SEC23IP: variants seen among roughly 807,000 people sequenced by gnomAD.
SEC23IP encodes SEC23 interacting protein.
A neutral mutation model predicts 113.4 loss-of-function variants in SEC23IP; 70 were observed. The ratio of observed to expected loss-of-function variants is 0.62; its 90% confidence interval spans 0.51 to 0.75. The LOEUF is 0.75. SEC23IP is among the 30% of genes least tolerant of loss of function. SEC23IP has a pLI of 0.00. For missense variants in SEC23IP, 1,160 were observed against 1,204.9 expected, an observed-to-expected ratio of 0.96 and a Z score of 0.55; for synonymous variants, 398 against 421.0, an observed-to-expected ratio of 0.95 and a Z score of 0.67.
At chr10:119,910,082 C>T (rs1248317705) in intron 5 of SEC23IP, among the ~76,000 whole-genome samples, 2 of 152,148 alleles carry the variant, frequency 1.3e-5, no homozygotes, top group African/African-American at 4.8e-5. Flanking sequence ...AAGCCACCAG[C>T]TCTGCCACCG....
At chr10:119,931,224 G>C (rs1589848806) in intron 15 of SEC23IP, among the ~76,000 whole-genome samples, 1 of 144,592 alleles carries the variant, frequency 6.9e-6, no homozygotes, top group Non-Finnish European at 1.5e-5. Context: ...AGGTGGCAGT[G>C]AGCCAAGATC....
At chr10:119,925,776 G>T (rs981778131) in intron 12 of SEC23IP, among the ~76,000 whole-genome samples, 12 of 152,012 alleles carry the variant, frequency 7.9e-5, no homozygotes, top group African/African-American at 2.9e-4. Context: ...TCCTGGTCTC[G>T]AGCTATCCTT....
intron 5 of SEC23IP, among the ~76,000 whole-genome samples, chr10:119,910,691 T>C (rs1316369918): frequency 6.6e-6 from 1 of 152,144 alleles, no homozygotes; most frequent in African/African-American, 2.4e-5. Context: ...TCTTTTTGTT[T>C]GTTTTTTTAA....
chr10:119,901,685 A>ATTTTTAT (rs941497177), intron 2 of SEC23IP, among the ~76,000 whole-genome samples: 1 of 151,976 alleles, frequency 6.6e-6, no homozygotes, highest in African/African-American at 2.4e-5. Flanking sequence ...ATAACTTTTT[A>ATTTTTAT]TTTTTATTTT....
chr10:119,899,055 A>C, intron 2 of SEC23IP, 96 bp downstream of exon 2: 2 of 1,055,820 alleles, frequency 1.9e-6, no homozygotes, highest in Non-Finnish European at 2.7e-6. Flanking sequence ...CTTATAATCA[A>C]TATGGTGACA....
chr10:119,933,604 G>T, intron 17 of SEC23IP, 82 bp from the exon 18 acceptor site: 1 of 758,390 alleles, frequency 1.3e-6, no homozygotes, highest in East Asian at 2.6e-5. Flanking sequence ...GAATAGAATA[G>T]AACCTGCATT....
chr10:119,937,629 A>C (rs923637286), intron 18 of SEC23IP, among the ~76,000 whole-genome samples: 1 of 152,006 alleles, frequency 6.6e-6, no homozygotes, highest in Non-Finnish European at 1.5e-5. Flanking sequence ...CCGTCTAAAA[A>C]AAAAAAACAA....
At chr10:119,914,531 G>T (rs977604329) in intron 6 of SEC23IP, 199 bp from the exon 7 acceptor site, 16 of 529,084 alleles carry the variant, frequency 3.0e-5, no homozygotes, top group Non-Finnish European at 4.8e-5. Flanking sequence ...TCCACCTCTT[G>T]TTCTAGTTCG....
intron 1 of SEC23IP, among the ~76,000 whole-genome samples, chr10:119,894,020 G>T (rs1046193719): frequency 2.0e-5 from 3 of 152,192 alleles, no homozygotes; most frequent in Non-Finnish European, 2.9e-5. Context: ...TGCCCTGCCA[G>T]TAACTTGCTG....
chr10:119,894,892 CTGTGTGTGTGTGTGTGTG>C lies in SEC23IP; in HGVS notation c.163+1974_163+1991del, dbSNP rs3065498. Among the ~76,000 whole-genome samples, 9 of 143,598 alleles carry C rather than the reference CTGTGTGTGTGTGTGTGTG, an allele frequency of 6.3e-5. No homozygotes were observed. In the South Asian group the frequency reaches 7.2e-4, roughly 12 times the overall value. The allele number at this position is 143,598 out of a possible 152,430, so 94.2% of individuals were successfully genotyped here. ...AATGCTTTTGTTTCTTGGAGACAGT[CTGTGTGTGTGTGTGTGTG>C]TGTGTGTGTGTGTGTGTGTGTGTGT... On this transcript the variant is annotated intron_variant, in intron 1 of 18. Coordinates refer to ENST00000369075, the MANE Select transcript of SEC23IP (RefSeq NM_007190.4).
chr10:119,910,684 T>G (rs1016201078), intron 5 of SEC23IP, among the ~76,000 whole-genome samples: 5 of 152,142 alleles, frequency 3.3e-5, no homozygotes, highest in African/African-American at 1.2e-4. Flanking sequence ...CTCTTAATCT[T>G]TTTGTTTGTT....
At chr10:119,915,709 A>T in intron 7 of SEC23IP, 39 bp from the exon 8 acceptor site, 1 of 1,444,066 alleles carries the variant, frequency 6.9e-7, no homozygotes, top group Non-Finnish European at 9.2e-7. Context: ...AAGCTAGGAG[A>T]ATTTAATTTA....
intron 11 of SEC23IP, among the ~76,000 whole-genome samples, chr10:119,920,633 A>T (rs1855222601): frequency 6.6e-6 from 1 of 152,240 alleles, no homozygotes; most frequent in African/African-American, 2.4e-5. Flanking sequence ...ATTTCATCGT[A>T]TGCTTGACTA....
chr10:119,906,231 G>A (rs929195533), intron 4 of SEC23IP, among the ~76,000 whole-genome samples: 1 of 146,964 alleles, frequency 6.8e-6, no homozygotes, highest in Non-Finnish European at 1.5e-5. Flanking sequence ...GCAGTGAACT[G>A]TGATCGTGTC....
intron 4 of SEC23IP, among the ~76,000 whole-genome samples, chr10:119,907,908 C>T (rs1490203211): frequency 6.6e-6 from 1 of 152,160 alleles, no homozygotes; most frequent in Non-Finnish European, 1.5e-5. Flanking sequence ...GCAGAGATTG[C>T]ACCACTGTAC....
intron 13 of SEC23IP, 28 bp downstream of exon 13, chr10:119,926,255 ATAGT>A: frequency 6.3e-7 from 1 of 1,581,758 alleles, no homozygotes; most frequent in Admixed American, 1.7e-5. Flanking sequence ...CTGGGGCTAC[ATAGT>A]TCATGTTGGA....
intron 18 of SEC23IP, among the ~76,000 whole-genome samples, chr10:119,934,323 G>A (rs565928457): frequency 6.6e-6 from 1 of 152,326 alleles, no homozygotes; most frequent in East Asian, 1.9e-4. Flanking sequence ...AATTAGGGAA[G>A]CAGAAGCTTG....
At chr10:119,937,240 A>C (rs1386831046) in intron 18 of SEC23IP, among the ~76,000 whole-genome samples, 1 of 152,158 alleles carries the variant, frequency 6.6e-6, no homozygotes, top group East Asian at 1.9e-4. Flanking sequence ...TTGTCATTAT[A>C]AGTATTTTTT....
Position 119,898,852 on chromosome 10 carries a change from G to T in SEC23IP, c.589G>T (p.Ala197Ser), listed in dbSNP as rs568328574. The stretch of plus-strand genomic sequence containing the variant: ...CAGCAGCAGGGCTAATCCTTACATT[G>T]CACCACCCCAGCTGCAGCAGTGCCA... The part of the protein sequence containing the change: ...PGSSRANPYI[A>S]PPQLQQCQTP... The change falls in exon 2 of 19, where the codon GCA becomes TCA. Residue 197 changes from alanine to serine, a missense_variant. By Grantham distance (99) the Ala-to-Ser change is moderately conservative. Coordinates refer to ENST00000369075, the MANE Select transcript of SEC23IP (RefSeq NM_007190.4). The T allele has an allele frequency of 1.1e-5, 18 of 1,612,310 alleles. No homozygotes were observed. In the South Asian group the frequency reaches 2.0e-4, roughly 18 times the overall value.
Sources: gnomAD v4.1 joint callset for allele counts (sites outside exome capture counted in the v4.1 genomes callset) on GRCh38, gnomAD v4.1.1 for gene constraint, MANE v1.5 for transcripts, NCBI Gene and HGNC (gene_info 2026-07-23, HGNC 2026-07-21) for gene names.